Variants in NRXN3 observed in about 807,000 individuals in gnomAD.
NRXN3 encodes the protein neurexin 3.
In NRXN3, 32 loss-of-function variants were observed where a neutral mutation model predicts 137.6. The observed-to-expected ratio is 0.23, with a 90% CI of 0.18 to 0.31. The LOEUF is 0.31. Ranked by LOEUF, NRXN3 falls within the 10% of genes least tolerant of loss-of-function variation. The pLI is 1.00. For synonymous variants in NRXN3, 798 were observed against 784.5 expected (o/e 1.02, Z -0.29); for missense variants, 1,574 against 2,062.5 (o/e 0.76, Z 4.59).
chr14:79,107,021 G>T (rs965549216), intron 15 of NRXN3, among the ~76,000 whole-genome samples: 7 of 152,088 alleles, frequency 4.6e-5, no homozygotes, highest in African/African-American at 1.4e-4. Flanking sequence ...TACACAGATG[G>T]CTTCCTTATG....
At chr14:79,086,377 G>C (rs1343028086) in intron 15 of NRXN3, among the ~76,000 whole-genome samples, 3 of 152,002 alleles carry the variant, frequency 2.0e-5, no homozygotes, top group Non-Finnish European at 4.4e-5. Flanking sequence ...GCTTTAACTT[G>C]GGATCTTAAG....
chr14:78,731,076 A>G (rs1469002045), intron 8 of NRXN3, among the ~76,000 whole-genome samples: 1 of 151,838 alleles, frequency 6.6e-6, no homozygotes, highest in Admixed American at 6.6e-5. Flanking sequence ...AAACCACTTT[A>G]GTTTTTTTCT....
At chr14:78,351,466 C>G (rs2083480986) in intron 4 of NRXN3, among the ~76,000 whole-genome samples, 1 of 152,178 alleles carries the variant, frequency 6.6e-6, no homozygotes, top group Non-Finnish European at 1.5e-5. Context: ...CGTTCTCTTT[C>G]TCCATGTCTT....
At chr14:79,640,792 A>G (rs2098428432) in intron 16 of NRXN3, among the ~76,000 whole-genome samples, 1 of 135,426 alleles carries the variant, frequency 7.4e-6, no homozygotes, top group Non-Finnish European at 1.7e-5. Flanking sequence ...TACAAACAGC[A>G]TTATCCTGAT....
At chr14:78,649,438 C>T (rs1353938804) in intron 5 of NRXN3, 4 of 219,132 alleles carry the variant, frequency 1.8e-5, no homozygotes, top group Non-Finnish European at 2.7e-5. Flanking sequence ...ACATTAAATG[C>T]AAGCCTTTCT....
intron 15 of NRXN3, among the ~76,000 whole-genome samples, chr14:79,298,390 G>A (rs2084557477): frequency 6.6e-6 from 1 of 151,988 alleles, no homozygotes. Context: ...TTCAATTAGT[G>A]CCAAGTGTGG....
At chr14:78,926,771 T>TTATA (rs1385631497) in intron 10 of NRXN3, among the ~76,000 whole-genome samples, 1 of 43,020 alleles carries the variant, frequency 2.3e-5, no homozygotes, top group South Asian at 5.5e-4. Flanking sequence ...ATTATATATA[T>TTATA]TATATATATA....
chr14:78,754,835 CTT>C (rs36056842), intron 8 of NRXN3, among the ~76,000 whole-genome samples: 12 of 143,242 alleles, frequency 8.4e-5, no homozygotes, highest in Non-Finnish European at 1.2e-4. Context: ...TCAGTATACA[CTT>C]TTTTTTTTTT....
chr14:78,572,703 A>G (rs1414535933), intron 4 of NRXN3, among the ~76,000 whole-genome samples: 1 of 152,222 alleles, frequency 6.6e-6, no homozygotes, highest in Non-Finnish European at 1.5e-5. Context: ...TCCAGAAAAC[A>G]TCACACCAGA....
intron 8 of NRXN3, among the ~76,000 whole-genome samples, chr14:78,783,960 G>A (rs2098779568): frequency 6.6e-6 from 1 of 150,768 alleles, no homozygotes; most frequent in African/African-American, 2.4e-5. Context: ...ATCTACTATG[G>A]ACCAGGCACT....
At chr14:79,432,255 C>A (rs1180189898) in intron 15 of NRXN3, among the ~76,000 whole-genome samples, 2 of 152,066 alleles carry the variant, frequency 1.3e-5, no homozygotes, top group African/African-American at 4.8e-5. Flanking sequence ...TCAGGATCTT[C>A]TTTGGTTAAA....
intron 4 of NRXN3, among the ~76,000 whole-genome samples, chr14:78,579,652 G>T (rs1047586429): frequency 1.3e-5 from 2 of 152,110 alleles, no homozygotes; most frequent in East Asian, 3.9e-4. Flanking sequence ...CAATGTGATG[G>T]CTTCGTAGAA....
intron 8 of NRXN3, among the ~76,000 whole-genome samples, chr14:78,747,975 A>T (rs2098619909): frequency 6.6e-6 from 1 of 152,194 alleles, no homozygotes; most frequent in Admixed American, 6.5e-5. Context: ...TTTTCATTTT[A>T]CATGAAAGAG....
intron 16 of NRXN3, among the ~76,000 whole-genome samples, chr14:79,556,368 A>C (rs2153761575): frequency 6.6e-6 from 1 of 152,292 alleles, no homozygotes; most frequent in African/African-American, 2.4e-5. Context: ...AAATGAAATG[A>C]CTTCAGCTCA....
intron 15 of NRXN3, among the ~76,000 whole-genome samples, chr14:79,296,044 A>G (rs2084047799): frequency 2.0e-5 from 3 of 152,042 alleles, no homozygotes; most frequent in Admixed American, 2.0e-4. Flanking sequence ...GGAAGAGCTC[A>G]CTCTCATTTT....
chr14:78,835,768 G>T lies in NRXN3; in HGVS notation c.2275+25424G>T, dbSNP rs111244286. ...TCAAAGAAACTCTGCAAAGTGGCTG[G>T]GTCTAAAAATGTAATATAAGTAAGT... On this transcript the variant is annotated intron_variant, in intron 10 of 20. Coordinates refer to ENST00000335750, the MANE Select transcript of NRXN3 (RefSeq NM_001330195.2). Among the ~76,000 whole-genome samples the T allele has an allele frequency of 2.3e-3, 356 of 152,008 alleles. 8 individuals are homozygous for T. The highest frequency in any genetic ancestry group is 8.0e-3 in the African/African-American group (331 of 41,488).
At chr14:78,862,081 T>C (rs988527872) in intron 10 of NRXN3, among the ~76,000 whole-genome samples, 3 of 152,106 alleles carry the variant, frequency 2.0e-5, no homozygotes, top group East Asian at 1.9e-4. Flanking sequence ...CAGTTTAATA[T>C]TGAAGAATGT....
intron 19 of NRXN3, among the ~76,000 whole-genome samples, chr14:79,753,841 C>T (rs2099008061): frequency 6.6e-6 from 1 of 151,990 alleles, no homozygotes; most frequent in Admixed American, 6.6e-5. Flanking sequence ...TATATATTCA[C>T]AGGTTCCCCA....
chr14:78,846,825 TTCTC>T (rs565635433), intron 10 of NRXN3, among the ~76,000 whole-genome samples: 8 of 152,148 alleles, frequency 5.3e-5, no homozygotes, highest in Non-Finnish European at 1.2e-4. Flanking sequence ...GTCCTGCACC[TTCTC>T]TCTATTTTCT....
Sources: gnomAD v4.1 joint callset for allele counts (sites outside exome capture counted in the v4.1 genomes callset) on GRCh38, gnomAD v4.1.1 for gene constraint, MANE v1.5 for transcripts, NCBI Gene and HGNC (gene_info 2026-07-23, HGNC 2026-07-21) for gene names.